DUOX1: variants seen among roughly 807,000 people sequenced by gnomAD.
DUOX1 encodes the protein dual oxidase 1, also known as NADPH thyroid oxidase 1.
DUOX1 carries 134 observed loss-of-function variants against 181.8 expected under a neutral mutation model. The observed-to-expected ratio is 0.74, with a 90% CI of 0.64 to 0.85. The LOEUF (loss-of-function observed/expected upper bound fraction) is 0.85, where lower values mean the gene tolerates loss of function less well. Ranked by LOEUF, DUOX1 falls within the 40% of genes least tolerant of loss-of-function variation. DUOX1 has a pLI of 0.00. For missense variants in DUOX1, 1,814 were observed against 2,064.4 expected (o/e 0.88, Z 2.35); for synonymous variants, 798 against 832.5 (o/e 0.96, Z 0.71).
At chr15:45,150,793 A>G in intron 22 of DUOX1, 92 bp downstream of exon 22, 1 of 1,219,172 alleles carries the variant, frequency 8.2e-7, no homozygotes, top group South Asian at 1.2e-5. Flanking sequence ...CCGCTAGCCC[A>G]TGCAGCACCT....
At position 45,135,641 on chromosome 15, in the gene DUOX1, C is replaced by T. The variant is rs1233190652; in HGVS notation, c.663C>T (p.Pro221=). The change falls in exon 6 of 34, where the codon CCC becomes CCT. Residue 221 remains proline, a synonymous_variant. Transcript: ENST00000389037. ...NPLLMWAAPD[P]ATGQNGPRGL... The stretch of plus-strand genomic sequence containing the variant: ...TGCTCATGTGGGCGGCGCCCGACCC[C>T]GCCACCGGGCAGAACGGGCCCCGGG... 2.6e-6 allele frequency: 4 copies of T among 1,538,994 alleles called. No individual in the cohort carries two copies. Among genetic ancestry groups the T allele is most frequent in the Middle Eastern group, 2.3e-4 (1 of 4,312 alleles).
intron 8 of DUOX1, 38 bp from the exon 9 acceptor site, chr15:45,136,491 G>T: frequency 6.2e-7 from 1 of 1,614,026 alleles, no homozygotes; most frequent in Non-Finnish European, 8.5e-7. Flanking sequence ...GGATTTTAGG[G>T]CTAAATTCTT....
Position 45,136,380 on chromosome 15 carries a change from T to G in DUOX1, c.895T>G (p.Phe299Val). ...CGCTGTGTATGAGTGGCTGCCCAGC[T>G]TCCTGCAGAAAACACTCCCGGAGTA... ...NIAVYEWLPS[F>V]LQKTLPEYTG... Residue 299 changes from phenylalanine to valine, a missense_variant, in exon 8 of 34, where the codon TTC becomes GTC. By Grantham distance (50) the Phe-to-Val change is conservative. Transcript: ENST00000389037. 3.7e-6 allele frequency: 6 copies of G among 1,614,056 alleles called. No homozygotes were observed. Among genetic ancestry groups the G allele is most frequent in the Non-Finnish European group, 5.1e-6 (6 of 1,180,024 alleles).
chr15:45,136,846 T>TCC (rs144582032), intron 9 of DUOX1, among the ~76,000 whole-genome samples: 5 of 151,674 alleles, frequency 3.3e-5, no homozygotes, highest in African/African-American at 1.2e-4. Context: ...GATATTACCC[T>TCC]CCCCCCCACC....
In DUOX1 at chr15:45,143,331, G is replaced by A. The variant is rs1896558056; in HGVS notation, c.1936+28G>A. The A allele has an allele frequency of 5.0e-6, 8 of 1,589,098 alleles. No homozygotes were observed. The East Asian group carries it at 1.6e-4, about 31-fold the overall frequency. ...AGGTCTAGGGCTGGCCAGGGTGGTG[G>A]TAGGGAGGACATGGCTCAGCGCTAC... On this transcript the variant is annotated intron_variant, in intron 16 of 33. Coordinates refer to ENST00000389037, the MANE Select transcript of DUOX1 (RefSeq NM_175940.3).
intron 33 of DUOX1, 63 bp from the exon 34 acceptor site, chr15:45,164,716 G>A (rs1420129746): frequency 6.2e-7 from 1 of 1,603,828 alleles, no homozygotes; most frequent in Non-Finnish European, 8.5e-7. Context: ...CCCTTCCTCT[G>A]AACACTGCGT....
chr15:45,158,700 CAAAAAAAA>C (rs58522871), intron 28 of DUOX1, among the ~76,000 whole-genome samples: 1 of 47,022 alleles, frequency 2.1e-5, no homozygotes, highest in Non-Finnish European at 3.4e-5. Flanking sequence ...ACTTCCATCT[CAAAAAAAA>C]AAAAAAAAAA....
At chr15:45,143,447 G>A (rs184046668) in intron 16 of DUOX1, 144 bp downstream of exon 16, 1 of 648,206 alleles carries the variant, frequency 1.5e-6, no homozygotes, top group South Asian at 1.9e-5. Flanking sequence ...GCAGAAGTTG[G>A]ACATGGAGTC....
chr15:45,154,039 CTG>C (rs756272957), intron 27 of DUOX1, 39 bp downstream of exon 27: 1 of 1,601,142 alleles, frequency 6.2e-7, no homozygotes, highest in Non-Finnish European at 8.6e-7. Flanking sequence ...CTGGACCTGA[CTG>C]TGAGTTCAAG....
At chr15:45,150,110 C>T (rs1248814765) in intron 21 of DUOX1, among the ~76,000 whole-genome samples, 1 of 152,234 alleles carries the variant, frequency 6.6e-6, no homozygotes, top group Non-Finnish European at 1.5e-5. Flanking sequence ...TTAGTCCTGC[C>T]CTGCCTTCAG....
At position 45,161,751 on chromosome 15, in the gene DUOX1, G is replaced by A. The variant is rs1156544241; in HGVS notation, c.3870G>A (p.Leu1290=). ...ATCCCTCCCCAGGAGTGACCCACCT[G>A]CGGTTCCAGCGGCCCCAGGGCTTTG... ...AELLPSGVTH[L]RFQRPQGFEY... The change falls in exon 30 of 34, where the codon CTG becomes CTA. Residue 1290 remains leucine, a synonymous_variant. Transcript: ENST00000389037. 2 of 1,613,630 alleles carry A rather than the reference G, an allele frequency of 1.2e-6. No homozygotes were observed. The highest frequency in any genetic ancestry group is 2.2e-5 in the East Asian group (1 of 44,864).
chr15:45,132,959 CT>C (rs1334685002), intron 2 of DUOX1, among the ~76,000 whole-genome samples: 7 of 152,156 alleles, frequency 4.6e-5, no homozygotes, highest in South Asian at 2.1e-4. Flanking sequence ...ATTTTCCCCC[CT>C]GACTCTCTGC....
At position 45,135,160 on chromosome 15, in the gene DUOX1, T is replaced by C; in HGVS notation, c.364T>C (p.Phe122Leu). 6.2e-7 allele frequency: 1 copy of C among 1,613,452 alleles called. No homozygotes were observed. The highest frequency in any genetic ancestry group is 2.2e-5 in the East Asian group (1 of 44,810). The change falls in exon 5 of 34, where the codon TTC (phenylalanine) becomes CTC (leucine). Residue 122 changes from phenylalanine (F) to leucine (L), a missense_variant. This residue lies in a region of DUOX1 where 320 missense variants were observed against 313.1 expected (regional missense o/e 1.02). Transcript: ENST00000389037. Reference protein sequence around the residue: ...SVETPGCPAEFLNIRIPPGDP... With the variant: ...SVETPGCPAELLNIRIPPGDP... ...GGAAACTCCCGGCTGCCCCGCCGAG[T>C]TCCTCAACATTCGCATCCCGCCCGG...
At chr15:45,145,164 C>A in intron 18 of DUOX1, 84 bp downstream of exon 18, 1 of 1,288,986 alleles carries the variant, frequency 7.8e-7, no homozygotes, top group Non-Finnish European at 1.0e-6. Context: ...GAGGGGAAGT[C>A]AAAGCCCAGA....
chr15:45,142,790 AGGGAGGAAGGGAGGG>A (rs1896540007), intron 15 of DUOX1, among the ~76,000 whole-genome samples: 7 of 147,002 alleles, frequency 4.8e-5, no homozygotes, highest in South Asian at 2.2e-4. Flanking sequence ...GAAGGAAGGG[AGGGAGGAAGGGAGGG>A]AGGAAGAGCA....
Position 45,153,933 on chromosome 15 carries a change from G to T in DUOX1, c.3525-18G>T, listed in dbSNP as rs749909843. The T allele has an allele frequency of 1.2e-6, 2 of 1,608,424 alleles. No individual in the cohort carries two copies. The highest frequency in any genetic ancestry group is 1.7e-6 in the Non-Finnish European group (2 of 1,175,686). ...AGATCTCCTCTCAAGGTGTCTCTTT[G>T]CTGTCCCTTCCACACAGGTCTGAGC... On this transcript the variant is annotated intron_variant, in intron 26 of 33. Transcript: ENST00000389037.
intron 2 of DUOX1, among the ~76,000 whole-genome samples, chr15:45,133,020 A>AGCCC (rs1046923085): frequency 1.3e-5 from 2 of 152,184 alleles, no homozygotes; most frequent in Non-Finnish European, 2.9e-5. Context: ...GCAGAGAAGA[A>AGCCC]GCCCCAGGCC....
chr15:45,140,177 C>A (rs2141263772), intron 12 of DUOX1, among the ~76,000 whole-genome samples: 1 of 152,346 alleles, frequency 6.6e-6, no homozygotes, highest in East Asian at 1.9e-4. Context: ...GATACCTTAC[C>A]ATCTTGACAC....
chr15:45,141,101 C>G, intron 13 of DUOX1, 31 bp downstream of exon 13: 2 of 1,613,538 alleles, frequency 1.2e-6, no homozygotes, highest in Non-Finnish European at 1.7e-6. Flanking sequence ...GCCTCAGGCT[C>G]TACCTCGGCC....
Sources: gnomAD v4.1 joint callset for allele counts (sites outside exome capture counted in the v4.1 genomes callset) on GRCh38, gnomAD v4.1.1 for gene constraint, gnomAD v4.1.1 regional missense constraint, MANE v1.5 for transcripts, NCBI Gene and HGNC (gene_info 2026-07-23, HGNC 2026-07-21) for gene names.